Variants in AMER3 observed in about 807,000 individuals in gnomAD.
The protein encoded by AMER3 is family with sequence similarity 123C.
For missense variants in AMER3, 1,201 were observed against 1,139.4 expected (o/e 1.05, Z -0.78); for synonymous variants, 541 against 485.5 (o/e 1.11, Z -1.50).
At position 130,763,088 on chromosome 2, in the gene AMER3, A is replaced by C. The variant is rs976919134; in HGVS notation, c.1016A>C (p.Gln339Pro). ...LSGPQGTDRD[Q>P]SRLDTAGLAE... ...GGCCCCCAGGGGACAGACAGGGACC[A>C]ATCCCGGCTGGACACAGCTGGGCTC... Residue 339 changes from glutamine (Q) to proline (P), a missense_variant, in exon 2 of 2, where the codon CAA (glutamine) becomes CCA (proline). Coordinates refer to ENST00000321420, the MANE Select transcript of AMER3 (RefSeq NM_152698.3). The C allele has an allele frequency of 6.2e-7, 1 of 1,613,242 alleles. No homozygotes were observed. Among genetic ancestry groups the C allele is most frequent in the African/African-American group, 1.3e-5 (1 of 75,030 alleles).
Position 130,763,276 on chromosome 2 carries a change from G to T in AMER3, c.1204G>T (p.Ala402Ser). 6.2e-7 allele frequency: 1 copy of T among 1,613,816 alleles called. No homozygotes were observed. Among genetic ancestry groups the T allele is most frequent in the Non-Finnish European group, 8.5e-7 (1 of 1,180,032 alleles). The stretch of plus-strand genomic sequence containing the variant: ...AGGACTTGAGGAGGACAAGAAGGAA[G>T]CTGAGAGCCCAGGCACTCCTGCCGC... ...SPGLEEDKKE[A>S]ESPGTPAATF... The change falls in exon 2 of 2, where the codon GCT becomes TCT. Residue 402 changes from alanine to serine, a missense_variant. Transcript: ENST00000321420.
In AMER3 at chr2:130,763,515, G is replaced by T. The variant is rs1203506133; in HGVS notation, c.1443G>T (p.Gln481His). The T allele has an allele frequency of 6.2e-7, 1 of 1,612,398 alleles. No homozygotes were observed. Among genetic ancestry groups the T allele is most frequent in the South Asian group, 1.1e-5 (1 of 90,992 alleles). Residue 481 changes from glutamine (Q) to histidine (H), a missense_variant, in exon 2 of 2, where the codon CAG becomes CAT. Coordinates refer to ENST00000321420, the MANE Select transcript of AMER3 (RefSeq NM_152698.3). ...APAPGPDLLS[Q>H]GFLQSSWKGK... ...CACCAGGCCCTGACCTGCTCAGCCA[G>T]GGCTTCCTACAGAGCTCCTGGAAGG...
In AMER3 at chr2:130,765,285, T is replaced by TA. The variant is rs1273450241; in HGVS notation, c.*628dup. On this transcript the variant is annotated 3_prime_UTR_variant, in exon 2 of 2. Transcript: ENST00000321420. ...AAGCATAAACAGGTATACAGACAGT[T>TA]ACACCGGTGTGAGTTATTAGCAGAC... 5.4e-5 allele frequency: 9 copies of TA among 167,060 alleles called. No homozygotes were observed. Among genetic ancestry groups the TA allele is most frequent in the African/African-American group, 2.2e-4 (9 of 41,456 alleles). The allele number at this position is 167,060 out of a possible 1,614,324, so 10.3% of individuals were successfully genotyped here.
chr2:130,761,455 C>T (rs1009678578), intron 1 of AMER3, among the ~76,000 whole-genome samples: 4 of 152,260 alleles, frequency 2.6e-5, no homozygotes, highest in African/African-American at 9.6e-5. Context: ...GCTCTGGTTC[C>T]TCTGTGTCCA....
rs996223896 is a variant in AMER3 at position 130,766,674 on chromosome 2, T to A, written c.*2016T>A. The A allele has an allele frequency of 6.5e-6, 1 of 154,058 alleles. No homozygotes were observed. The allele number at this position is 154,058 out of a possible 1,614,324, so 9.5% of individuals were successfully genotyped here. A position where few individuals can be genotyped will look rare whatever the true frequency, so the allele number is the denominator to read the frequency against. On this transcript the variant is annotated 3_prime_UTR_variant, in exon 2 of 2. Transcript: ENST00000321420. The stretch of plus-strand genomic sequence containing the variant: ...ACCTTGCCTGGCTAATTTTTCTATT[T>A]TTTTGTAGAGACGGGTTTTCGCCAT...
In AMER3 at chr2:130,762,642, G is replaced by C. The variant is rs1262658400; in HGVS notation, c.570G>C (p.Pro190=). 4 of 1,610,822 alleles carry C rather than the reference G, an allele frequency of 2.5e-6. No individual in the cohort carries two copies. The African/African-American group carries it at 5.4e-5, about 22-fold the overall frequency. Residue 190 remains proline (P), a synonymous_variant, in exon 2 of 2, where the codon CCG becomes CCC. Transcript: ENST00000321420. Reference sequence around the variant, plus strand: ...AAAGCCTGCCCTCCCCAGGGGACCCGTCAGACCCTGGGGGGCGGCGAAGCA... The same window carrying C: ...AAAGCCTGCCCTCCCCAGGGGACCCCTCAGACCCTGGGGGGCGGCGAAGCA... The part of the protein sequence containing the change: ...EGKSLPSPGD[P]SDPGGRRSKA...
In AMER3 at chr2:130,762,869, A is replaced by G. The variant is rs946082967; in HGVS notation, c.797A>G (p.Asn266Ser). ...DESSVPSLEL[N>S]EGPESPTQAA... ...AGCTCGGTGCCATCTCTGGAGCTGAACGAGGGCCCGGAGAGCCCAACCCAG... is the reference window on the plus strand; with the variant it reads ...AGCTCGGTGCCATCTCTGGAGCTGAGCGAGGGCCCGGAGAGCCCAACCCAG... The change falls in exon 2 of 2, where the codon AAC (asparagine) becomes AGC (serine). Residue 266 changes from asparagine (N) to serine (S), a missense_variant. Physicochemically the swap from Asn to Ser is conservative, Grantham distance 46. Transcript: ENST00000321420. 5 of 1,613,336 alleles carry G rather than the reference A, an allele frequency of 3.1e-6. No individual in the cohort carries two copies. The highest frequency in any genetic ancestry group is 4.2e-6 in the Non-Finnish European group (5 of 1,179,976).
chr2:130,766,236 T>TG lies in AMER3; in HGVS notation c.*1583dup, dbSNP rs1678979641. On this transcript the variant is annotated 3_prime_UTR_variant, in exon 2 of 2. Coordinates refer to ENST00000321420, the MANE Select transcript of AMER3 (RefSeq NM_152698.3). ...TGTGAGGCTCAGGGTGGGAGACGGG[T>TG]GGGGGAGCCGACCTTAGGAGGGCCC... is the stretch of plus-strand genomic sequence containing the variant. 1 of 166,678 alleles carries TG rather than the reference T, an allele frequency of 6.0e-6. No homozygotes were observed. 10.3% of individuals were successfully genotyped at this position (166,678 alleles called of 1,614,324 possible).
chr2:130,763,638 C>T lies in AMER3; in HGVS notation c.1566C>T (p.Pro522=), dbSNP rs1465353201. The change falls in exon 2 of 2, where the codon CCC becomes CCT. Residue 522 remains proline (P), a synonymous_variant. Coordinates refer to ENST00000321420, the MANE Select transcript of AMER3 (RefSeq NM_152698.3). ...GAGGCCCCACGCCCCGTGCCCCACC[C>T]ACCCCTGGGCAGCCTGCAGCTCCAC... ...LRRGPTPRAP[P]TPGQPAAPPG... is the part of the protein sequence containing the mutation. 6.5e-7 allele frequency: 1 copy of T among 1,534,702 alleles called. No individual in the cohort carries two copies. The highest frequency in any genetic ancestry group is 8.8e-7 in the Non-Finnish European group (1 of 1,141,432).
At position 130,765,430 on chromosome 2, in the gene AMER3, T is replaced by G. The variant is rs973573308; in HGVS notation, c.*772T>G. 6.0e-6 allele frequency: 1 copy of G among 167,120 alleles called. No individual in the cohort carries two copies. The highest frequency in any genetic ancestry group is 2.4e-5 in the African/African-American group (1 of 41,576). The allele number at this position is 167,120 out of a possible 1,614,324, so 10.4% of individuals were successfully genotyped here. A position where few individuals can be genotyped will look rare whatever the true frequency, so the allele number is the denominator to read the frequency against. ...GTCATATCATGACCAACAACCTAAG[T>G]CTTTTGACGAAGTCAATCTATGATG... On this transcript the variant is annotated 3_prime_UTR_variant, in exon 2 of 2. Coordinates refer to ENST00000321420, the MANE Select transcript of AMER3 (RefSeq NM_152698.3).
chr2:130,758,888 G>C (rs1320503815), intron 1 of AMER3, among the ~76,000 whole-genome samples: 1 of 152,226 alleles, frequency 6.6e-6, no homozygotes, highest in South Asian at 2.1e-4. Flanking sequence ...TTTGGCCTCT[G>C]CCCTCAGGCA....
rs188305799 is a variant in AMER3, at chr2:130,765,016, C to T, written c.*358C>T. 104 of 211,014 alleles carry T rather than the reference C, an allele frequency of 4.9e-4. 2 individuals are homozygous for T. In the South Asian group the frequency reaches 5.1e-3, roughly 10 times the overall value. The allele number at this position is 211,014 out of a possible 1,614,324, so 13.1% of individuals were successfully genotyped here. On this transcript the variant is annotated 3_prime_UTR_variant, in exon 2 of 2. Coordinates refer to ENST00000321420, the MANE Select transcript of AMER3 (RefSeq NM_152698.3). ...TGGGATGTGTGTGAATCCCAAAAGACGCAATCCCAAATGCCATAGTCCCAA... is the reference window on the plus strand; with the variant it reads ...TGGGATGTGTGTGAATCCCAAAAGATGCAATCCCAAATGCCATAGTCCCAA...
At position 130,763,913 on chromosome 2, in the gene AMER3, C is replaced by T. The variant is rs1678896959; in HGVS notation, c.1841C>T (p.Ser614Phe). 1.2e-6 allele frequency: 2 copies of T among 1,613,692 alleles called. No individual in the cohort carries two copies. The highest frequency in any genetic ancestry group is 1.3e-5 in the African/African-American group (1 of 75,070). ...CGAGGTCACTCTGAAGGCTTGTTCT[C>T]CTCTATGGAGTCTGCAGCCACTTCG... The part of the protein sequence containing the change: ...ETRGHSEGLF[S>F]SMESAATSTT... The change falls in exon 2 of 2, where the codon TCC (serine) becomes TTC (phenylalanine). Residue 614 changes from serine to phenylalanine, a missense_variant. Physicochemically the swap from Ser to Phe is radical, Grantham distance 155. Coordinates refer to ENST00000321420, the MANE Select transcript of AMER3 (RefSeq NM_152698.3).
At position 130,765,273 on chromosome 2, in the gene AMER3, T is replaced by C. The variant is rs1678951502; in HGVS notation, c.*615T>C. On this transcript the variant is annotated 3_prime_UTR_variant, in exon 2 of 2. Coordinates refer to ENST00000321420, the MANE Select transcript of AMER3 (RefSeq NM_152698.3). Reference sequence around the variant, plus strand: ...ACATATTTTTGGAAGCATAAACAGGTATACAGACAGTTACACCGGTGTGAG... The same window carrying C: ...ACATATTTTTGGAAGCATAAACAGGCATACAGACAGTTACACCGGTGTGAG... 6.0e-6 allele frequency: 1 copy of C among 167,116 alleles called. No homozygotes were observed. Among genetic ancestry groups the C allele is most frequent in the Admixed American group, 6.5e-5 (1 of 15,290 alleles). 10.4% of individuals were successfully genotyped at this position (167,116 alleles called of 1,614,324 possible).
chr2:130,763,441 C>G lies in AMER3; in HGVS notation c.1369C>G (p.Leu457Val), dbSNP rs770181583. ...SLSGPALGTP[L>V]SICSFRVGAE... ...GTCAGGGCCGGCCCTGGGGACGCCA[C>G]TGTCCATATGCAGCTTCCGAGTGGG... Residue 457 changes from leucine to valine, a missense_variant, in exon 2 of 2, where the codon CTG becomes GTG. Physicochemically the swap from Leu to Val is conservative, Grantham distance 32. Transcript: ENST00000321420. 3 of 1,613,120 alleles carry G rather than the reference C, an allele frequency of 1.9e-6. No homozygotes were observed. Among genetic ancestry groups the G allele is most frequent in the Non-Finnish European group, 2.5e-6 (3 of 1,180,026 alleles).
chr2:130,757,528 C>T (rs1678648584), intron 1 of AMER3, among the ~76,000 whole-genome samples: 2 of 152,168 alleles, frequency 1.3e-5, no homozygotes. Context: ...GTGTGTACAG[C>T]CCATCTCCAG....
At chr2:130,757,417 C>T (rs1678644936) in intron 1 of AMER3, among the ~76,000 whole-genome samples, 1 of 151,508 alleles carries the variant, frequency 6.6e-6, no homozygotes, top group Non-Finnish European at 1.5e-5. Flanking sequence ...TCACCTGCAT[C>T]TTTGAAAGTG....
rs752266201 is a variant in AMER3, at chr2:130,764,570, G to C, written c.2498G>C (p.Arg833Pro). ...GTCTCTGCAAGTGCCCCAGAATGCCGCTGCAGCCTCCTGGCCCGTGAGGGC... is the reference window on the plus strand; with the variant it reads ...GTCTCTGCAAGTGCCCCAGAATGCCCCTGCAGCCTCCTGGCCCGTGAGGGC... ...GGVSASAPEC[R>P]CSLLAREGLL... The change falls in exon 2 of 2, where the codon CGC (arginine) becomes CCC (proline). Residue 833 changes from arginine (R) to proline (P), a missense_variant. Arg to Pro is a moderately radical substitution (Grantham distance 103, BLOSUM62 -2). Coordinates refer to ENST00000321420, the MANE Select transcript of AMER3 (RefSeq NM_152698.3). 6.2e-7 allele frequency: 1 copy of C among 1,604,646 alleles called. No individual in the cohort carries two copies. Among genetic ancestry groups the C allele is most frequent in the Admixed American group, 1.7e-5 (1 of 58,958 alleles).
rs375025201 is a variant in AMER3 at position 130,762,648 on chromosome 2, C to T, written c.576C>T (p.Asp192=). 1.2e-6 allele frequency: 2 copies of T among 1,610,966 alleles called. No homozygotes were observed. Among genetic ancestry groups the T allele is most frequent in the African/African-American group, 1.3e-5 (1 of 74,766 alleles). ...TGCCCTCCCCAGGGGACCCGTCAGACCCTGGGGGGCGGCGAAGCAAAGCCT... is the reference window on the plus strand; with the variant it reads ...TGCCCTCCCCAGGGGACCCGTCAGATCCTGGGGGGCGGCGAAGCAAAGCCT... ...KSLPSPGDPS[D]PGGRRSKAFL... is the part of the protein sequence containing the mutation. Residue 192 remains aspartate, a synonymous_variant, in exon 2 of 2, where the codon GAC becomes GAT. Transcript: ENST00000321420.
Sources: allele counts gnomAD v4.1 joint callset (sites outside exome capture counted in the v4.1 genomes callset), GRCh38; gene constraint gnomAD v4.1.1; transcripts MANE v1.5; gene names NCBI Gene and HGNC (gene_info 2026-07-23, HGNC 2026-07-21).